Variants in PLXNA4 observed in about 807,000 individuals in gnomAD.
PLXNA4 encodes the protein plexin-A4.
PLXNA4 carries 44 observed loss-of-function variants against 191.8 expected under a neutral mutation model. The observed-to-expected ratio is 0.23, with a 90% CI of 0.18 to 0.29. The LOEUF is 0.29. PLXNA4 is among the 10% of genes least tolerant of loss of function. The pLI is 1.00. For synonymous variants in PLXNA4, 1,082 were observed against 1,009.5 expected (o/e 1.07, Z -1.36); for missense variants, 1,800 against 2,488.8 (o/e 0.72, Z 5.89).
chr7:132,260,118 A>G lies in PLXNA4; in HGVS notation c.1504-18952T>C, dbSNP rs910329491. ...AGTTTGGAGAGTTCTCAAAGAACTT[A>G]AAACAGAACTGCCATTCAACCTAGC... On this transcript the variant is annotated intron_variant, in intron 4 of 31. Transcript: ENST00000321063. Among the ~76,000 whole-genome samples the G allele has an allele frequency of 7.9e-5, 12 of 152,334 alleles. No individual in the cohort carries two copies. The East Asian group carries it at 2.1e-3, about 27-fold the overall frequency.
intron 3 of PLXNA4, among the ~76,000 whole-genome samples, chr7:132,445,190 T>C (rs1049927349): frequency 2.7e-5 from 4 of 146,446 alleles, no homozygotes; most frequent in Admixed American, 1.4e-4. Context: ...AAAAAATTTG[T>C]TCTCATGAAC....
intron 3 of PLXNA4, among the ~76,000 whole-genome samples, chr7:132,468,988 G>A (rs2117402748): frequency 6.6e-6 from 1 of 151,850 alleles, no homozygotes; most frequent in South Asian, 2.1e-4. Flanking sequence ...CCAGCCTGGA[G>A]GGCGACCTGA....
rs145089173 is a variant in PLXNA4 at position 132,179,850 on chromosome 7, G to A, written c.3711C>T (p.Pro1237=). The A allele has an allele frequency of 9.6e-5, 155 of 1,613,486 alleles. 1 individual carries two copies. Among genetic ancestry groups the A allele is most frequent in the Admixed American group, 8.2e-4 (49 of 60,004 alleles). ...CAGCCACTGCGATGCTGACGATGGCGGGCAGGCTGAGCGGGCTGTCCGGGG... is the reference window on the plus strand; with the variant it reads ...CAGCCACTGCGATGCTGACGATGGCAGGCAGGCTGAGCGGGCTGTCCGGGG... ...YIAPDSPLSL[P]AIVSIAVAGG... Residue 1237 remains proline (P), a synonymous_variant, in exon 20 of 32, where the codon CCC becomes CCT. Coordinates refer to ENST00000321063, the MANE Select transcript of PLXNA4 (RefSeq NM_020911.2).
At chr7:132,562,924 TCCTCTC>T (rs1801318063) in intron 1 of PLXNA4, among the ~76,000 whole-genome samples, 1 of 100,360 alleles carries the variant, frequency 1.0e-5, no homozygotes, top group Non-Finnish European at 2.0e-5. Context: ...TTCCTCCTCC[TCCTCTC>T]CCTCCTCCTC....
intron 15 of PLXNA4, 36 bp from the exon 16 acceptor site, chr7:132,185,499 T>C (rs748076128): frequency 6.3e-7 from 1 of 1,591,460 alleles, no homozygotes; most frequent in South Asian, 1.2e-5. Context: ...GGGCGCCTGG[T>C]GTTGAGGAGG....
intron 2 of PLXNA4, among the ~76,000 whole-genome samples, chr7:132,596,435 G>T (rs1296495897): frequency 6.6e-6 from 1 of 152,188 alleles, no homozygotes; most frequent in Non-Finnish European, 1.5e-5. Flanking sequence ...GCCCCAGGAC[G>T]CTGGAGAACA....
intron 4 of PLXNA4, among the ~76,000 whole-genome samples, chr7:132,274,482 T>C (rs1800198291): frequency 6.6e-6 from 1 of 152,112 alleles, no homozygotes; most frequent in African/African-American, 2.4e-5. Flanking sequence ...CTAGGCCTTA[T>C]TCTGATTTCG....
Position 132,568,381 on chromosome 7 carries a change from A to C in PLXNA4, c.-87+8041T>G, listed in dbSNP as rs73724082. Among the ~76,000 whole-genome samples, 372 of 152,340 alleles carry C rather than the reference A, an allele frequency of 2.4e-3. 1 individual carries two copies. The highest frequency in any genetic ancestry group is 8.5e-3 in the African/African-American group (355 of 41,576). ...TTAATGTGGTTTCTATTTGGGGTTTAAATGGGATAATAGTGTAGTCGACTA... is the reference window on the plus strand; with the variant it reads ...TTAATGTGGTTTCTATTTGGGGTTTCAATGGGATAATAGTGTAGTCGACTA... On this transcript the variant is annotated intron_variant, in intron 1 of 31. Transcript: ENST00000321063.
At chr7:132,191,257 A>G (rs1584820990) in intron 14 of PLXNA4, among the ~76,000 whole-genome samples, 1 of 152,300 alleles carries the variant, frequency 6.6e-6, no homozygotes. Context: ...GTGATGGCAA[A>G]CAGAATGGGA....
intron 22 of PLXNA4, 90 bp downstream of exon 22, chr7:132,168,214 C>G: frequency 4.2e-6 from 6 of 1,422,974 alleles, no homozygotes; most frequent in Non-Finnish European, 5.5e-6. Context: ...TGGCTGCTCT[C>G]CTAGGAGCTC....
At chr7:132,182,218 T>C (rs759411231) in intron 16 of PLXNA4, 28 bp from the exon 17 acceptor site, 9 of 1,612,636 alleles carry the variant, frequency 5.6e-6, no homozygotes, top group Non-Finnish European at 6.8e-6. Flanking sequence ...AGGAGATGTG[T>C]AAATGATAAG....
At chr7:132,400,959 G>A (rs893250336) in intron 3 of PLXNA4, among the ~76,000 whole-genome samples, 3 of 152,128 alleles carry the variant, frequency 2.0e-5, no homozygotes, top group South Asian at 2.1e-4. Flanking sequence ...TTTCATTCCC[G>A]AGCCCTGCAA....
chr7:132,508,898 G>T lies in PLXNA4; in HGVS notation c.-86-119C>A. Reference sequence around the variant, plus strand: ...CACACTGAGCAGAACTGCACTGGGGGGTGCTGGAGGCTGACTGAGTCAACC... The same window carrying T: ...CACACTGAGCAGAACTGCACTGGGGTGTGCTGGAGGCTGACTGAGTCAACC... On this transcript the variant is annotated intron_variant, in intron 1 of 31. Transcript: ENST00000321063. This position sits in a 1 kb window ranked among gnomAD's most constrained non-coding sequence, Gnocchi z 4.4. The T allele has an allele frequency of 9.6e-7, 1 of 1,039,682 alleles. No individual in the cohort carries two copies. Among genetic ancestry groups the T allele is most frequent in the Non-Finnish European group, 1.3e-6 (1 of 767,626 alleles). The allele number at this position is 1,039,682 out of a possible 1,614,324, so 64.4% of individuals were successfully genotyped here.
In PLXNA4 at chr7:132,364,868, CAT is replaced by C. The variant is rs1446605131; in HGVS notation, c.1372-66648_1372-66647del. Among the ~76,000 whole-genome samples the C allele has an allele frequency of 8.5e-5, 13 of 152,318 alleles. No individual in the cohort carries two copies. In the East Asian group the frequency reaches 1.5e-3, roughly 18 times the overall value. ...TACAATAACTACATCGCTTAATCCT[CAT>C]ATTCTTCATCTGTTAACTGGAGAAA... is the stretch of plus-strand genomic sequence containing the variant. On this transcript the variant is annotated intron_variant, in intron 3 of 31. Coordinates refer to ENST00000321063, the MANE Select transcript of PLXNA4 (RefSeq NM_020911.2).
chr7:132,588,634 A>AAG (rs1802545187), intron 2 of PLXNA4, among the ~76,000 whole-genome samples: 4 of 59,944 alleles, frequency 6.7e-5, no homozygotes, highest in Admixed American at 2.3e-4. Flanking sequence ...TGAGGAAGGA[A>AAG]GGAAGGGAAG....
chr7:132,456,665 G>C (rs1396008231), intron 3 of PLXNA4, among the ~76,000 whole-genome samples: 1 of 150,294 alleles, frequency 6.7e-6, no homozygotes, highest in African/African-American at 2.4e-5. Context: ...AACAGACTGA[G>C]CCCAGGATGG....
chr7:132,607,460 T>A (rs997679504), intron 2 of PLXNA4, among the ~76,000 whole-genome samples: 2 of 152,190 alleles, frequency 1.3e-5, no homozygotes, highest in African/African-American at 2.4e-5. Context: ...ACTGAGCAGA[T>A]GAGAAATCAA....
chr7:132,526,714 C>T (rs1585276785), intron 1 of PLXNA4, among the ~76,000 whole-genome samples: 1 of 152,294 alleles, frequency 6.6e-6, no homozygotes, highest in East Asian at 1.9e-4. Context: ...GACATGGCTT[C>T]TCAAGAAGGA....
At chr7:132,330,065 G>A (rs1457091941) in intron 3 of PLXNA4, among the ~76,000 whole-genome samples, 1 of 152,190 alleles carries the variant, frequency 6.6e-6, no homozygotes, top group African/African-American at 2.4e-5. Flanking sequence ...GGCAAGGGGA[G>A]GAGCACAGGG....
Sources: allele counts gnomAD v4.1 joint callset (sites outside exome capture counted in the v4.1 genomes callset), GRCh38; gene constraint gnomAD v4.1.1; non-coding constraint Gnocchi (gnomAD v3.1); transcripts MANE v1.5; gene names NCBI Gene and HGNC (gene_info 2026-07-23, HGNC 2026-07-21).